The following YAE1 variants were observed in gnomAD, a reference collection of about 807,000 sequenced individuals.
YAE1 encodes the protein YAE1 maturation factor of ABCE1.
YAE1 carries 22 observed loss-of-function variants against 23.0 expected under a neutral mutation model. The ratio of observed to expected loss-of-function variants is 0.96; its 90% CI spans 0.68 to 1.37. The LOEUF is 1.37. YAE1 is among the 40% of genes most tolerant of loss of function. The pLI, the probability that YAE1 is intolerant of heterozygous loss-of-function variation, is 0.00. For synonymous variants in YAE1, 101 were observed against 97.0 expected (o/e 1.04, Z -0.24); for missense variants, 260 against 262.1 (o/e 0.99, Z 0.06).
At position 39,566,533 on chromosome 7, in the gene YAE1, C is replaced by A. The variant is rs1012915754; in HGVS notation, c.115C>A (p.Gln39Lys). 3.7e-6 allele frequency: 6 copies of A among 1,613,858 alleles called. No individual in the cohort carries two copies. The African/African-American group carries it at 4.0e-5, about 11-fold the overall frequency. ...LAQREWQSNMQRRVKEGYRDG... is the reference protein window; with the variant it reads ...LAQREWQSNMKRRVKEGYRDG... Reference sequence around the variant, plus strand: ...GCAGCGGGAATGGCAGAGTAACATGCAAAGACGAGTCAAAGTAAACGTGGT... The same window carrying A: ...GCAGCGGGAATGGCAGAGTAACATGAAAAGACGAGTCAAAGTAAACGTGGT... Residue 39 changes from glutamine (Q) to lysine (K), a missense_variant, in exon 1 of 3, where the codon CAA becomes AAA. Coordinates refer to ENST00000223273, the MANE Select transcript of YAE1 (RefSeq NM_020192.5).
At chr7:39,570,437 G>A (rs1790546941) in intron 1 of YAE1, 69 bp from the exon 2 acceptor site, 3 of 1,575,796 alleles carry the variant, frequency 1.9e-6, no homozygotes, top group Non-Finnish European at 2.6e-6. Context: ...AATTGGTTCT[G>A]TACTTTTCTA....
chr7:39,592,249 A>C lies in YAE1; in HGVS notation c.252-17368A>C, dbSNP rs776776930. On this transcript the variant is annotated intron_variant, in intron 2 of 2. Coordinates refer to the YAE1 transcript ENST00000432096. Reference sequence around the variant, plus strand: ...TAAGAGTATGTTTAGTCCTTAAAGAAACCACCAAACTATCTTCCAGAGTTG... The same window carrying C: ...TAAGAGTATGTTTAGTCCTTAAAGACACCACCAAACTATCTTCCAGAGTTG... Among the ~76,000 whole-genome samples the C allele has an allele frequency of 7.9e-5, 12 of 152,344 alleles. 1 individual carries two copies. In the South Asian group the frequency reaches 1.2e-3, roughly 16 times the overall value.
intron 1 of YAE1, chr7:39,569,935 G>T: frequency 7.6e-7 from 1 of 1,319,648 alleles, no homozygotes. Flanking sequence ...GTCAGTCCTG[G>T]CTGCTCTGTG....
At chr7:39,580,664 G>C (rs1790728809) in intron 2 of YAE1, among the ~76,000 whole-genome samples, 1 of 152,260 alleles carries the variant, frequency 6.6e-6, no homozygotes, top group Non-Finnish European at 1.5e-5. Context: ...CCTTTGCTTA[G>C]ACCTCATGGT....
At chr7:39,602,976 T>C (rs112282203) in intron 2 of YAE1, among the ~76,000 whole-genome samples, 4,917 of 152,262 alleles carry the variant, frequency 0.032, 124 homozygotes, top group Admixed American at 0.07. Context: ...CTCAAACTCC[T>C]GGCCTCAAAT....
chr7:39,597,748 T>C (rs781553568), intron 2 of YAE1, among the ~76,000 whole-genome samples: 1 of 152,098 alleles, frequency 6.6e-6, no homozygotes, highest in South Asian at 2.1e-4. Context: ...TGGAAAGAAC[T>C]TAACCCCATC....
chr7:39,586,976 A>G (rs1286589701), intron 2 of YAE1, among the ~76,000 whole-genome samples: 2 of 152,104 alleles, frequency 1.3e-5, no homozygotes, highest in Non-Finnish European at 2.9e-5. Flanking sequence ...TCATGGGTTC[A>G]CCACCAGCCT....
intron 2 of YAE1, among the ~76,000 whole-genome samples, chr7:39,579,938 G>A (rs200703728): frequency 6.6e-6 from 1 of 152,002 alleles, no homozygotes; most frequent in Non-Finnish European, 1.5e-5. Context: ...CCAGCCTCCT[G>A]GGAAGCTGAA....
intron 2 of YAE1, chr7:39,609,456 A>T: frequency 1.1e-6 from 1 of 898,166 alleles, no homozygotes; most frequent in Non-Finnish European, 1.6e-6. Context: ...ATGTTATCAA[A>T]TTGGGAGAAT....
intron 2 of YAE1, among the ~76,000 whole-genome samples, chr7:39,585,818 A>G (rs1309686080): frequency 6.6e-6 from 1 of 152,240 alleles, no homozygotes; most frequent in African/African-American, 2.4e-5. Context: ...TAAAAAATAT[A>G]TCTTGATGGG....
chr7:39,607,085 A>G (rs976333572), intron 2 of YAE1, among the ~76,000 whole-genome samples: 17 of 152,352 alleles, frequency 1.1e-4, no homozygotes, highest in African/African-American at 3.8e-4. Flanking sequence ...ATAATGGGCT[A>G]TACTGTCTTC....
rs569596735 is a variant in YAE1, at chr7:39,596,938, C to G, written c.252-12679C>G. Among the ~76,000 whole-genome samples, 10 of 152,306 alleles carry G rather than the reference C, an allele frequency of 6.6e-5. No individual in the cohort carries two copies. In the South Asian group the frequency reaches 1.9e-3, roughly 28 times the overall value. Reference sequence around the variant, plus strand: ...AATTTCAAGGGAAAGATTTTAGAAGCAAATATGATTTGACATCTCTGAAAC... The same window carrying G: ...AATTTCAAGGGAAAGATTTTAGAAGGAAATATGATTTGACATCTCTGAAAC... On this transcript the variant is annotated intron_variant, in intron 2 of 2. Coordinates refer to the YAE1 transcript ENST00000432096.
chr7:39,573,483 A>G (rs1380134786), downstream of YAE1, among the ~76,000 whole-genome samples: 1 of 152,176 alleles, frequency 6.6e-6, no homozygotes, highest in South Asian at 2.1e-4. Context: ...TTCTTAGTCT[A>G]GCATGGACAA....
intron 2 of YAE1, among the ~76,000 whole-genome samples, chr7:39,580,601 G>A (rs1790727210): frequency 6.6e-6 from 1 of 152,148 alleles, no homozygotes; most frequent in South Asian, 2.1e-4. Context: ...GCCACTAGGT[G>A]GTGCTCGTGC....
chr7:39,603,405 TG>T (rs1464160605), intron 2 of YAE1, among the ~76,000 whole-genome samples: 2 of 152,322 alleles, frequency 1.3e-5, no homozygotes, highest in East Asian at 3.9e-4. Flanking sequence ...CCCAAAGTTC[TG>T]GGATTACAGG....
At chr7:39,574,802 A>G (rs2115783186), downstream of YAE1, among the ~76,000 whole-genome samples, 1 of 151,874 alleles carries the variant, frequency 6.6e-6, no homozygotes, top group South Asian at 2.1e-4. Flanking sequence ...CTACTTGGGA[A>G]GCTGAGCTGG....
intron 1 of YAE1, chr7:39,569,536 A>AT (rs1790532297): frequency 4.0e-6 from 2 of 496,612 alleles, no homozygotes; most frequent in East Asian, 4.9e-5. Context: ...GATTCTGATA[A>AT]TTTTTTTGAA....
At chr7:39,599,628 A>G (rs1011923233) in intron 2 of YAE1, among the ~76,000 whole-genome samples, 1 of 152,136 alleles carries the variant, frequency 6.6e-6, no homozygotes, top group South Asian at 2.1e-4. Context: ...ATAGAATTAT[A>G]GTAAGTTAAT....
At chr7:39,566,957 C>T (rs576596601) in intron 1 of YAE1, 68 of 156,102 alleles carry the variant, frequency 4.4e-4, no homozygotes, top group Non-Finnish European at 8.8e-4. Flanking sequence ...TTAATCAAGA[C>T]ATATTGAAAA....
Sources: allele counts gnomAD v4.1 joint callset (sites outside exome capture counted in the v4.1 genomes callset), GRCh38; gene constraint gnomAD v4.1.1; transcripts MANE v1.5; gene names NCBI Gene and HGNC (gene_info 2026-07-23, HGNC 2026-07-21).